SLC2A13: variants seen among roughly 807,000 people sequenced by gnomAD.
SLC2A13 encodes the protein proton myo-inositol cotransporter.
In SLC2A13, 32 loss-of-function variants were observed where a neutral mutation model predicts 64.4. That is an observed-to-expected ratio of 0.50 (90% confidence interval 0.37 to 0.67). SLC2A13 has a LOEUF of 0.67. Ranked by LOEUF, SLC2A13 falls within the 30% of genes least tolerant of loss-of-function variation. The probability of loss-of-function intolerance (pLI) is 0.00; values close to 1 mark genes in which losing one functional copy is unlikely to be tolerated. For missense variants in SLC2A13, 743 were observed against 829.2 expected (o/e 0.90, Z 1.28); for synonymous variants, 338 against 327.1 (o/e 1.03, Z -0.36).
chr12:40,084,401 C>G (rs1047311583), intron 1 of SLC2A13, among the ~76,000 whole-genome samples: 13 of 152,210 alleles, frequency 8.5e-5, no homozygotes, highest in Admixed American at 5.2e-4. Flanking sequence ...AGCACTCTTT[C>G]AAAGACTGCA....
intron 3 of SLC2A13, among the ~76,000 whole-genome samples, chr12:39,985,087 A>C (rs1481289130): frequency 1.3e-5 from 2 of 152,196 alleles, no homozygotes; most frequent in Non-Finnish European, 2.9e-5. Context: ...ATTTTTAACT[A>C]TAATAATAGT....
At chr12:40,028,692 T>TA (rs1200943132) in intron 2 of SLC2A13, among the ~76,000 whole-genome samples, 183 bp from the exon 3 acceptor site, 3 of 152,170 alleles carry the variant, frequency 2.0e-5, no homozygotes, top group Non-Finnish European at 4.4e-5. Flanking sequence ...CACTGAAAAT[T>TA]AAAAAATGAG....
intron 1 of SLC2A13, among the ~76,000 whole-genome samples, chr12:40,058,986 C>T (rs1414323396): frequency 6.6e-6 from 1 of 152,170 alleles, no homozygotes; most frequent in Non-Finnish European, 1.5e-5. Flanking sequence ...ACTTGTAGAT[C>T]TAGTGGCAGC....
intron 3 of SLC2A13, among the ~76,000 whole-genome samples, chr12:39,961,029 G>A (rs1314377987): frequency 6.6e-6 from 1 of 151,534 alleles, no homozygotes; most frequent in Non-Finnish European, 1.5e-5. Context: ...TTACAGGCGT[G>A]AGCCATTGTG....
At chr12:39,809,779 T>C (rs1942090193) in intron 7 of SLC2A13, among the ~76,000 whole-genome samples, 1 of 152,176 alleles carries the variant, frequency 6.6e-6, no homozygotes, top group Admixed American at 6.5e-5. Flanking sequence ...GTCCTTGCGA[T>C]AGTTTGCTGA....
chr12:39,960,974 C>T (rs1315154830), intron 3 of SLC2A13, among the ~76,000 whole-genome samples: 4 of 150,674 alleles, frequency 2.7e-5, no homozygotes, highest in Admixed American at 6.6e-5. Context: ...CTCGAACTCC[C>T]GACCTTCAGT....
At chr12:39,767,295 A>C (rs1169610245) in intron 7 of SLC2A13, among the ~76,000 whole-genome samples, 1 of 92,134 alleles carries the variant, frequency 1.1e-5, no homozygotes, top group East Asian at 3.5e-4. Flanking sequence ...AATATTTTGA[A>C]AGGAATCTTT....
intron 3 of SLC2A13, among the ~76,000 whole-genome samples, chr12:39,980,610 A>C (rs1946872814): frequency 6.6e-6 from 1 of 151,084 alleles, no homozygotes; most frequent in African/African-American, 2.4e-5. Flanking sequence ...GATCAATTCA[A>C]CAAGAGGAGC....
intron 1 of SLC2A13, among the ~76,000 whole-genome samples, chr12:40,090,064 C>A (rs995070946): frequency 2.6e-5 from 4 of 152,018 alleles, no homozygotes; most frequent in African/African-American, 7.2e-5. Flanking sequence ...TTTATTAACA[C>A]AAAGAAAATG....
At chr12:39,922,474 G>A (rs182517315) in intron 4 of SLC2A13, among the ~76,000 whole-genome samples, 3 of 152,298 alleles carry the variant, frequency 2.0e-5, no homozygotes, top group Admixed American at 2.0e-4. Context: ...CTAAGACTCT[G>A]TCCTCTAACT....
chr12:39,910,875 G>T (rs1228322613), intron 4 of SLC2A13, among the ~76,000 whole-genome samples: 2 of 152,034 alleles, frequency 1.3e-5, no homozygotes, highest in Non-Finnish European at 2.9e-5. Flanking sequence ...ACGAAGTCAG[G>T]AGTTCAAGAC....
chr12:39,787,445 C>T (rs186784019), intron 7 of SLC2A13, among the ~76,000 whole-genome samples: 7 of 152,316 alleles, frequency 4.6e-5, no homozygotes, highest in Admixed American at 3.3e-4. Context: ...ATGATGTGTT[C>T]TCTAAAGCAG....
At chr12:40,015,353 C>G (rs1327957140) in intron 3 of SLC2A13, among the ~76,000 whole-genome samples, 1 of 152,154 alleles carries the variant, frequency 6.6e-6, no homozygotes, top group Non-Finnish European at 1.5e-5. Context: ...TAAAATACTG[C>G]TGAACCTAAT....
chr12:39,763,846 G>C (rs983046127), intron 9 of SLC2A13, among the ~76,000 whole-genome samples: 36 of 152,108 alleles, frequency 2.4e-4, no homozygotes, highest in South Asian at 1.0e-3. Context: ...TTTTCATTTT[G>C]AATTATGGCC....
chr12:39,819,860 C>G (rs936713936), intron 7 of SLC2A13: 1 of 156,204 alleles, frequency 6.4e-6, no homozygotes, highest in Admixed American at 6.3e-5. Context: ...AACTATAAAG[C>G]ACACTTGGGT....
intron 4 of SLC2A13, among the ~76,000 whole-genome samples, chr12:39,908,616 C>A (rs544411585): frequency 8.6e-4 from 130 of 151,802 alleles, no homozygotes; most frequent in Non-Finnish European, 1.5e-3. Flanking sequence ...TGAGGAGGGG[C>A]AGAGGTGAGA....
chr12:39,995,561 A>G (rs1947213029), intron 3 of SLC2A13, among the ~76,000 whole-genome samples: 1 of 152,184 alleles, frequency 6.6e-6, no homozygotes. Flanking sequence ...AAGAGTAAAA[A>G]AGCATATCAA....
chr12:39,913,170 A>G (rs1437885361), intron 4 of SLC2A13, among the ~76,000 whole-genome samples: 1 of 152,120 alleles, frequency 6.6e-6, no homozygotes, highest in Non-Finnish European at 1.5e-5. Context: ...CCAACATGAA[A>G]GAAAAAGAGA....
At chr12:39,911,672 G>A (rs949816844) in intron 4 of SLC2A13, among the ~76,000 whole-genome samples, 1 of 151,988 alleles carries the variant, frequency 6.6e-6, no homozygotes, top group African/African-American at 2.4e-5. Context: ...ATCTTTTGCA[G>A]TGTTGGTGCC....
Sources: gnomAD v4.1 joint callset for allele counts (sites outside exome capture counted in the v4.1 genomes callset) on GRCh38, gnomAD v4.1.1 for gene constraint, MANE v1.5 for transcripts, NCBI Gene and HGNC (gene_info 2026-07-23, HGNC 2026-07-21) for gene names.